Variants in APP observed in about 807,000 individuals in gnomAD.
The protein encoded by APP is amyloid-beta precursor protein.
In APP, 31 loss-of-function variants were observed where a neutral mutation model predicts 101.4. The observed-to-expected ratio is 0.31, with a 90% CI of 0.23 to 0.41. The LOEUF is 0.41. Among genes scored for constraint, APP ranks in the 10% least tolerant of loss-of-function variants. The probability of loss-of-function intolerance (pLI) is 1.00; values close to 1 mark genes in which losing one functional copy is unlikely to be tolerated. For missense variants in APP, 839 were observed against 1,003.7 expected (o/e 0.84, Z 2.22); for synonymous variants, 366 against 364.4 (o/e 1.00, Z -0.05).
intron 2 of APP, among the ~76,000 whole-genome samples, chr21:26,102,192 CA>C (rs1407274350): frequency 6.6e-6 from 1 of 150,702 alleles, no homozygotes; most frequent in Non-Finnish European, 1.5e-5. Context: ...GGGTTCACGC[CA>C]TTCTCCTGCC....
intron 17 of APP, among the ~76,000 whole-genome samples, chr21:25,885,625 C>T (rs1033655007): frequency 6.6e-6 from 1 of 152,144 alleles, no homozygotes; most frequent in African/African-American, 2.4e-5. Flanking sequence ...GCTGCACCTT[C>T]CTGAGACCTG....
rs199937814 is a variant in APP, at chr21:26,053,373, C to A, written c.356-25G>T. ...ACTGAAAGAAAGGAAAACCACTTCC[C>A]GTCATTCCATCTGTATCACAGTGTT... On this transcript the variant is annotated intron_variant, in intron 3 of 17. Coordinates refer to ENST00000346798, the MANE Select transcript of APP (RefSeq NM_000484.4). 4.1e-6 allele frequency: 6 copies of A among 1,458,598 alleles called. No individual in the cohort carries two copies. The South Asian group carries it at 6.8e-5, about 17-fold the overall frequency. 90.4% of individuals were successfully genotyped at this position (1,458,598 alleles called of 1,614,324 possible).
At chr21:25,968,404 T>G (rs549265541) in intron 11 of APP, among the ~76,000 whole-genome samples, 3 of 147,404 alleles carry the variant, frequency 2.0e-5, no homozygotes, top group Non-Finnish European at 4.5e-5. Context: ...CAAGGGATCC[T>G]CCCACCTCAG....
chr21:26,104,229 TA>T (rs58654390), intron 2 of APP, among the ~76,000 whole-genome samples: 101,119 of 151,420 alleles, frequency 0.67, 33,867 homozygotes, highest in South Asian at 0.76. Context: ...CATCTCCGAA[TA>T]GCCTGGGGTT....
intron 11 of APP, among the ~76,000 whole-genome samples, chr21:25,972,696 C>T (rs1054249402): frequency 6.6e-6 from 1 of 152,064 alleles, no homozygotes; most frequent in East Asian, 1.9e-4. Flanking sequence ...CCACCAAGCC[C>T]AGTCTCTAAG....
chr21:25,956,111 T>C (rs2041309125), intron 11 of APP, among the ~76,000 whole-genome samples: 1 of 152,218 alleles, frequency 6.6e-6, no homozygotes, highest in African/African-American at 2.4e-5. Context: ...GGGGCATATG[T>C]GAGACTACAT....
At chr21:25,901,362 A>G (rs189287843) in intron 15 of APP, among the ~76,000 whole-genome samples, 3 of 147,068 alleles carry the variant, frequency 2.0e-5, no homozygotes, top group Non-Finnish European at 3.0e-5. Flanking sequence ...AGCCCACACT[A>G]CTTTTGAAAT....
At chr21:26,150,903 AT>A (rs941574108) in intron 1 of APP, among the ~76,000 whole-genome samples, 3 of 152,166 alleles carry the variant, frequency 2.0e-5, no homozygotes, top group South Asian at 2.1e-4. Flanking sequence ...ACAGTATTGT[AT>A]TTTTTTAAAG....
Position 26,044,717 on chromosome 21 carries a change from T to C in APP, c.662+6283A>G, listed in dbSNP as rs143583986. On this transcript the variant is annotated intron_variant, in intron 5 of 17. Transcript: ENST00000346798. ...ACCACGCCTAGCTAATTTTGTATTT[T>C]TAGTAGGGATGGGCTTTCTCCATGT... is the stretch of plus-strand genomic sequence containing the variant. Among the ~76,000 whole-genome samples, 571 of 152,280 alleles carry C rather than the reference T, an allele frequency of 3.7e-3. 4 individuals carry two copies. The highest frequency in any genetic ancestry group is 0.013 in the African/African-American group (543 of 41,544).
chr21:26,021,705 CATAAGA>C (rs2044344619), intron 6 of APP, 129 bp downstream of exon 6: 1 of 1,291,802 alleles, frequency 7.7e-7, no homozygotes, highest in Non-Finnish European at 1.1e-6. Context: ...ATTTCACAAG[CATAAGA>C]AGCCTTTTGG....
At chr21:26,144,268 G>GT (rs1463279677) in intron 1 of APP, among the ~76,000 whole-genome samples, 1 of 152,134 alleles carries the variant, frequency 6.6e-6, no homozygotes, top group African/African-American at 2.4e-5. Flanking sequence ...ATGAGATCCA[G>GT]GTGGGGATGG....
chr21:26,062,331 TAA>T (rs567989866), intron 3 of APP, among the ~76,000 whole-genome samples: 12 of 150,372 alleles, frequency 8.0e-5, no homozygotes, highest in African/African-American at 2.9e-4. Flanking sequence ...GGATTTACTT[TAA>T]AAAAGAGAAA....
intron 5 of APP, among the ~76,000 whole-genome samples, chr21:26,034,600 C>A (rs2146836782): frequency 6.8e-6 from 1 of 146,194 alleles, no homozygotes; most frequent in South Asian, 2.2e-4. Flanking sequence ...CAAGATCATG[C>A]CACTGCACTC....
chr21:26,039,148 C>T (rs1466674572), intron 5 of APP, among the ~76,000 whole-genome samples: 1 of 152,204 alleles, frequency 6.6e-6, no homozygotes, highest in Non-Finnish European at 1.5e-5. Flanking sequence ...AAGTGCAATA[C>T]TGCCCTTTCC....
intron 17 of APP, among the ~76,000 whole-genome samples, chr21:25,887,320 T>C (rs1047326773): frequency 2.6e-5 from 4 of 151,982 alleles, no homozygotes; most frequent in Non-Finnish European, 5.9e-5. Context: ...AGTGCTGAGA[T>C]TTCCAGCCAC....
At chr21:26,039,064 T>A (rs1286868357) in intron 5 of APP, among the ~76,000 whole-genome samples, 1 of 152,228 alleles carries the variant, frequency 6.6e-6, no homozygotes, top group Admixed American at 6.5e-5. Flanking sequence ...CTTGGATGCG[T>A]CTATTACACC....
intron 6 of APP, among the ~76,000 whole-genome samples, chr21:26,018,674 T>C (rs1183241944): frequency 2.0e-5 from 3 of 152,166 alleles, no homozygotes; most frequent in South Asian, 4.1e-4. Flanking sequence ...TTCAGGAGTT[T>C]GAGGTGGAAT....
chr21:26,099,025 T>C (rs922474300), intron 2 of APP, among the ~76,000 whole-genome samples: 2 of 152,208 alleles, frequency 1.3e-5, no homozygotes, highest in African/African-American at 2.4e-5. Flanking sequence ...CAGTGACAGA[T>C]AGATGGGAGG....
intron 1 of APP, among the ~76,000 whole-genome samples, chr21:26,148,383 G>GAA (rs775141786): frequency 6.6e-6 from 1 of 152,128 alleles, no homozygotes; most frequent in Non-Finnish European, 1.5e-5. Context: ...GCTGTGTCCC[G>GAA]AACCAACATT....
Sources: gnomAD v4.1 joint callset for allele counts (sites outside exome capture counted in the v4.1 genomes callset) on GRCh38, gnomAD v4.1.1 for gene constraint, MANE v1.5 for transcripts, NCBI Gene and HGNC (gene_info 2026-07-23, HGNC 2026-07-21) for gene names.